Variants in GLS observed in about 807,000 individuals in gnomAD.
GLS encodes the protein glutaminase.
A neutral mutation model predicts 86.7 loss-of-function variants in GLS; 36 were observed. The ratio of observed to expected loss-of-function variants is 0.42; its 90% CI spans 0.32 to 0.55. GLS has a LOEUF of 0.55. Ranked by LOEUF, GLS falls within the 20% of genes least tolerant of loss-of-function variation. The pLI is 0.17. For synonymous variants in GLS, 317 were observed against 305.9 expected, an observed-to-expected ratio of 1.04 and a Z score of -0.38; for missense variants, 528 against 833.4, an observed-to-expected ratio of 0.63 and a Z score of 4.51.
At chr2:190,909,002 T>C (rs1421408170) in intron 6 of GLS, among the ~76,000 whole-genome samples, 1 of 152,216 alleles carries the variant, frequency 6.6e-6, no homozygotes, top group Non-Finnish European at 1.5e-5. Flanking sequence ...TCAAAAGCTC[T>C]GAAATGACAG....
intron 14 of GLS, among the ~76,000 whole-genome samples, chr2:190,940,517 A>C (rs144513953): frequency 7.2e-4 from 109 of 152,206 alleles, no homozygotes; most frequent in African/African-American, 2.5e-3. Flanking sequence ...TTATTCTGGC[A>C]AATTAGCAGT....
At position 190,905,938 on chromosome 2, in the gene GLS, T is replaced by C. The variant is rs577259891; in HGVS notation, c.979+771T>C. Among the ~76,000 whole-genome samples, 3 of 152,246 alleles carry C rather than the reference T, an allele frequency of 2.0e-5. No homozygotes were observed. In the East Asian group the frequency reaches 5.8e-4, roughly 29 times the overall value. On this transcript the variant is annotated intron_variant, in intron 6 of 17. Transcript: ENST00000320717. The surrounding 1 kb of genome is among the most constrained non-coding windows in gnomAD (Gnocchi z 4.6). ...AGTAATGGCTGTGAGAGATACACTT[T>C]TGTACTTTTTTTTTCTGCTGTATAA...
intron 14 of GLS, among the ~76,000 whole-genome samples, chr2:190,937,546 T>C (rs575626136): frequency 1.3e-5 from 2 of 151,554 alleles, no homozygotes; most frequent in Admixed American, 1.3e-4. Flanking sequence ...TAAATGCTTA[T>C]TTAACAAAGT....
rs1418134748 is a variant in GLS at position 190,905,607 on chromosome 2, G to A, written c.979+440G>A. ...TTGTGGCCCTGGTTGAGATAGTGAG[G>A]ATTATTATTTTTCAGTGAGTGTTTT... On this transcript the variant is annotated intron_variant, in intron 6 of 17. Transcript: ENST00000320717. This position sits in a 1 kb window ranked among gnomAD's most constrained non-coding sequence, Gnocchi z 4.6. 6.6e-6 allele frequency among the ~76,000 whole-genome samples: 1 copy of A among 152,064 alleles called. No individual in the cohort carries two copies. The highest frequency in any genetic ancestry group is 1.9e-4 in the East Asian group (1 of 5,178).
At chr2:190,948,675 T>C (rs1690639294) in intron 14 of GLS, among the ~76,000 whole-genome samples, 1 of 152,168 alleles carries the variant, frequency 6.6e-6, no homozygotes, top group South Asian at 2.1e-4. Context: ...TTTTTCTTAG[T>C]GGTGGGGGAA....
Position 190,951,253 on chromosome 2 carries a change from GA to G in GLS, c.1651-2311del, listed in dbSNP as rs1202367469. The stretch of plus-strand genomic sequence containing the variant: ...GTGAGAGGGTGGAGGGTGCTGGGGG[GA>G]TCTGAAGGAATCAGGGCTTAGGAAG... On this transcript the variant is annotated intron_variant, in intron 14 of 17. Coordinates refer to ENST00000320717, the MANE Select transcript of GLS (RefSeq NM_014905.5). The surrounding 1 kb of genome is among the most constrained non-coding windows in gnomAD (Gnocchi z 4.2). 6.6e-6 allele frequency among the ~76,000 whole-genome samples: 1 copy of G among 152,104 alleles called. No homozygotes were observed. Among genetic ancestry groups the G allele is most frequent in the Non-Finnish European group, 1.5e-5 (1 of 68,018 alleles).
chr2:190,957,858 C>T (rs1408886443), intron 17 of GLS, among the ~76,000 whole-genome samples: 1 of 152,104 alleles, frequency 6.6e-6, no homozygotes, highest in Admixed American at 6.5e-5. Context: ...GGATACTGGC[C>T]TGAAATTTTC....
chr2:190,962,863 C>A lies in GLS; in HGVS notation c.1887C>A (p.His629Gln). 6.3e-7 allele frequency: 1 copy of A among 1,589,890 alleles called. No individual in the cohort carries two copies. The highest frequency in any genetic ancestry group is 8.5e-7 in the Non-Finnish European group (1 of 1,171,246). The change falls in exon 18 of 18, where the codon CAC becomes CAA. Residue 629 changes from histidine to glutamine, a missense_variant. By Grantham distance (24) the His-to-Gln change is conservative. This residue lies in a region of GLS where 163 missense variants were observed against 429.2 expected (regional missense o/e 0.38). Coordinates refer to ENST00000320717, the MANE Select transcript of GLS (RefSeq NM_014905.5). The surrounding 1 kb of genome is among the most constrained non-coding windows in gnomAD (Gnocchi z 4.2). Reference sequence around the variant, plus strand: ...ACACTCCCATGGATGAAGCACTGCACTTTGGACACCATGATGTATTTAAAA... The same window carrying A: ...ACACTCCCATGGATGAAGCACTGCAATTTGGACACCATGATGTATTTAAAA... Reference protein sequence around the residue: ...WNNTPMDEALHFGHHDVFKIL... With the variant: ...WNNTPMDEALQFGHHDVFKIL...
rs1451224556 is a variant in GLS, at chr2:190,904,988, A to G, written c.816-16A>G. 1 of 1,463,888 alleles carries G rather than the reference A, an allele frequency of 6.8e-7. No homozygotes were observed. The highest frequency in any genetic ancestry group is 1.8e-5 in the Admixed American group (1 of 54,790). The allele number at this position is 1,463,888 out of a possible 1,614,324, so 90.7% of individuals were successfully genotyped here. ...TCCCAGTTGATGTTATTTTTTAAAA[A>G]TCTCCTTTTAAATAGGCATTCTACT... On this transcript the variant is annotated splice_polypyrimidine_tract_variant and intron_variant, in intron 5 of 17. Transcript: ENST00000320717.
At chr2:190,927,614 A>AT in intron 12 of GLS, 132 bp downstream of exon 12, 3 of 629,836 alleles carry the variant, frequency 4.8e-6, no homozygotes, top group South Asian at 2.0e-5. Context: ...TTCAAGGTTA[A>AT]TTTGTTACAA....
intron 14 of GLS, chr2:190,933,705 T>G (rs182715724): frequency 1.1e-6 from 1 of 903,912 alleles, no homozygotes. Flanking sequence ...CATAACTTTT[T>G]CTATGTTATA....
At position 190,935,089 on chromosome 2, in the gene GLS, G is replaced by A. The variant is rs922764222; in HGVS notation, c.1650+3452G>A. ...ATTTTCTTTTTTCTTTCTTTTTTTGGCATCATTAACATTTCATTTGAAATG... is the reference window on the plus strand; with the variant it reads ...ATTTTCTTTTTTCTTTCTTTTTTTGACATCATTAACATTTCATTTGAAATG... On this transcript the variant is annotated intron_variant, in intron 14 of 17. Coordinates refer to ENST00000320717, the MANE Select transcript of GLS (RefSeq NM_014905.5). This position sits in a 1 kb window ranked among gnomAD's most constrained non-coding sequence, Gnocchi z 4.2. The A allele has an allele frequency of 2.1e-6, 2 of 943,628 alleles. No homozygotes were observed. Among genetic ancestry groups the A allele is most frequent in the African/African-American group, 3.6e-5 (2 of 56,234 alleles). 58.5% of individuals were successfully genotyped at this position (943,628 alleles called of 1,614,324 possible). A position where few individuals can be genotyped will look rare whatever the true frequency, so the allele number is the denominator to read the frequency against.
chr2:190,945,673 A>AAAAAG (rs1690560679), intron 14 of GLS, among the ~76,000 whole-genome samples: 1 of 152,002 alleles, frequency 6.6e-6, no homozygotes, highest in African/African-American at 2.4e-5. Context: ...TCAAAAAAAA[A>AAAAAG]AAAGAAAAAA....
Position 190,913,703 on chromosome 2 carries a change from G to A in GLS, c.1038+3382G>A. Reference sequence around the variant, plus strand: ...CTTAAGGGTTAGGATAGGAAAATGAGGACAACATACTGCAAAATAATTGCC... The same window carrying A: ...CTTAAGGGTTAGGATAGGAAAATGAAGACAACATACTGCAAAATAATTGCC... On this transcript the variant is annotated intron_variant, in intron 7 of 17. Coordinates refer to ENST00000320717, the MANE Select transcript of GLS (RefSeq NM_014905.5). The surrounding 1 kb of genome is among the most constrained non-coding windows in gnomAD (Gnocchi z 6.1). 1 of 971,866 alleles carries A rather than the reference G, an allele frequency of 1.0e-6. No homozygotes were observed. The highest frequency in any genetic ancestry group is 1.2e-6 in the Non-Finnish European group (1 of 817,686). 60.2% of individuals were successfully genotyped at this position (971,866 alleles called of 1,614,324 possible). A position where few individuals can be genotyped will look rare whatever the true frequency, so the allele number is the denominator to read the frequency against.
At position 190,957,866 on chromosome 2, in the gene GLS, T is replaced by C. The variant is rs138310710; in HGVS notation, c.1853+3048T>C. On this transcript the variant is annotated intron_variant, in intron 17 of 17. Coordinates refer to ENST00000320717, the MANE Select transcript of GLS (RefSeq NM_014905.5). Reference sequence around the variant, plus strand: ...TCATCAGGGATACTGGCCTGAAATTTTCTTTTTTTGTTGTGTCTCTGCCAG... The same window carrying C: ...TCATCAGGGATACTGGCCTGAAATTCTCTTTTTTTGTTGTGTCTCTGCCAG... Among the ~76,000 whole-genome samples, 469 of 152,270 alleles carry C rather than the reference T, an allele frequency of 3.1e-3. 3 individuals are homozygous for C. The highest frequency in any genetic ancestry group is 0.011 in the African/African-American group (442 of 41,548).
chr2:190,954,102 T>C lies in GLS; in HGVS notation c.1712+476T>C, dbSNP rs1276846290. Reference sequence around the variant, plus strand: ...GTAGAGTTGTAACTTATTTTCTTTTTTTTTTCTCCCATTAATACCTCAAAT... The same window carrying C: ...GTAGAGTTGTAACTTATTTTCTTTTCTTTTTCTCCCATTAATACCTCAAAT... On this transcript the variant is annotated intron_variant, in intron 15 of 17. Coordinates refer to ENST00000320717, the MANE Select transcript of GLS (RefSeq NM_014905.5). This position sits in a 1 kb window ranked among gnomAD's most constrained non-coding sequence, Gnocchi z 4.0. Among the ~76,000 whole-genome samples, 1 of 151,912 alleles carries C rather than the reference T, an allele frequency of 6.6e-6. No individual in the cohort carries two copies. The highest frequency in any genetic ancestry group is 1.5e-5 in the Non-Finnish European group (1 of 67,984).
At chr2:190,898,970 GGTA>G (rs1426509823) in intron 3 of GLS, among the ~76,000 whole-genome samples, 23 of 152,256 alleles carry the variant, frequency 1.5e-4, no homozygotes, top group Admixed American at 1.2e-3. Flanking sequence ...ATAGTTAAAT[GGTA>G]GTAGGTTAAT....
At chr2:190,960,295 G>A (rs779898895) in intron 17 of GLS, among the ~76,000 whole-genome samples, 1 of 150,686 alleles carries the variant, frequency 6.6e-6, no homozygotes, top group African/African-American at 2.4e-5. Context: ...ACTGGGAGCT[G>A]TATTAAGTTT....
chr2:190,930,725 C>G lies in GLS; in HGVS notation c.1557+157C>G, dbSNP rs962056893. 1.3e-5 allele frequency among the ~76,000 whole-genome samples: 2 copies of G among 152,164 alleles called. No individual in the cohort carries two copies. Among genetic ancestry groups the G allele is most frequent in the African/African-American group, 4.8e-5 (2 of 41,456 alleles). On this transcript the variant is annotated intron_variant, in intron 13 of 17. Transcript: ENST00000320717. The surrounding 1 kb of genome is among the most constrained non-coding windows in gnomAD (Gnocchi z 5.0). ...CGTGGAAATACTCCCAGAGGAGCTTCAAGTTGTCTCTGTCAGACAGCTCCC... is the reference window on the plus strand; with the variant it reads ...CGTGGAAATACTCCCAGAGGAGCTTGAAGTTGTCTCTGTCAGACAGCTCCC...
Sources: gnomAD v4.1 joint callset for allele counts (sites outside exome capture counted in the v4.1 genomes callset) on GRCh38, gnomAD v4.1.1 for gene constraint, gnomAD v4.1.1 regional missense constraint, Gnocchi (gnomAD v3.1) non-coding constraint, MANE v1.5 for transcripts, NCBI Gene and HGNC (gene_info 2026-07-23, HGNC 2026-07-21) for gene names.